Variants in MICU1 observed in about 807,000 individuals in gnomAD.
MICU1 encodes the protein calcium uptake protein 1, mitochondrial.
A neutral mutation model predicts 56.8 loss-of-function variants in MICU1; 45 were observed. That is an observed-to-expected ratio of 0.79 (90% confidence interval 0.62 to 1.02). The LOEUF (loss-of-function observed/expected upper bound fraction) is 1.02, where lower values mean the gene tolerates loss of function less well. Ranked by LOEUF, MICU1 falls within the 50% of genes least tolerant of loss-of-function variation. The pLI is 0.00. For synonymous variants in MICU1, 186 were observed against 195.1 expected (o/e 0.95, Z 0.39); for missense variants, 504 against 587.1 (o/e 0.86, Z 1.46).
At chr10:72,383,515 T>C (rs754543947) in intron 10 of MICU1, among the ~76,000 whole-genome samples, 2 of 152,236 alleles carry the variant, frequency 1.3e-5, no homozygotes, top group East Asian at 1.9e-4. Context: ...TTAGAAATAA[T>C]TCCAGATGGA....
intron 8 of MICU1, among the ~76,000 whole-genome samples, chr10:72,445,513 C>G (rs575660170): frequency 6.6e-6 from 1 of 152,308 alleles, no homozygotes; most frequent in Non-Finnish European, 1.5e-5. Context: ...GGAATCCTTT[C>G]ATTTAGTCTT....
chr10:72,393,703 G>A (rs1178272889), intron 10 of MICU1, among the ~76,000 whole-genome samples: 1 of 152,132 alleles, frequency 6.6e-6, no homozygotes, highest in African/African-American at 2.4e-5. Flanking sequence ...GTAAACTCAA[G>A]GATTTATTGA....
At chr10:72,391,058 A>G (rs553130769) in intron 10 of MICU1, among the ~76,000 whole-genome samples, 6 of 152,382 alleles carry the variant, frequency 3.9e-5, no homozygotes, top group Admixed American at 3.9e-4. Flanking sequence ...ATTTAGTCTC[A>G]CAACCCTATG....
intron 1 of MICU1, among the ~76,000 whole-genome samples, chr10:72,579,765 A>G (rs1840849075): frequency 6.6e-6 from 1 of 152,178 alleles, no homozygotes; most frequent in Admixed American, 6.5e-5. Flanking sequence ...TATGCTTCTG[A>G]TGGCTCAGTG....
chr10:72,598,354 C>T (rs1361704267), intron 1 of MICU1, among the ~76,000 whole-genome samples: 1 of 151,882 alleles, frequency 6.6e-6, no homozygotes, highest in Non-Finnish European at 1.5e-5. Flanking sequence ...CTCCTGGATT[C>T]AAGCAATTCC....
chr10:72,524,041 A>G, intron 5 of MICU1: 1 of 1,198,724 alleles, frequency 8.3e-7, no homozygotes, highest in South Asian at 3.2e-5. Flanking sequence ...AAAGAAAAAA[A>G]GATTAATTTT....
At chr10:72,594,565 G>C (rs1005760959) in intron 1 of MICU1, among the ~76,000 whole-genome samples, 1 of 152,088 alleles carries the variant, frequency 6.6e-6, no homozygotes, top group East Asian at 1.9e-4. Flanking sequence ...TAGACTTCAT[G>C]AAAATTTAAA....
chr10:72,389,030 C>G (rs144810700), intron 10 of MICU1, among the ~76,000 whole-genome samples: 152 of 152,306 alleles, frequency 1.0e-3, no homozygotes, highest in Non-Finnish European at 1.7e-3. Context: ...AAGCACTAAG[C>G]ATTGTGCCTG....
intron 8 of MICU1, among the ~76,000 whole-genome samples, chr10:72,471,396 T>C (rs945023718): frequency 1.3e-5 from 2 of 152,164 alleles, no homozygotes. Flanking sequence ...CTACGCAGTA[T>C]GTTAGTGGGC....
At chr10:72,505,355 T>A (rs1480892287) in intron 6 of MICU1, among the ~76,000 whole-genome samples, 4 of 152,086 alleles carry the variant, frequency 2.6e-5, no homozygotes, top group African/African-American at 9.7e-5. Flanking sequence ...CCTCATACAC[T>A]GTTGGTGGGA....
At chr10:72,602,365 C>A (rs1004207002) in intron 1 of MICU1, among the ~76,000 whole-genome samples, 1 of 151,598 alleles carries the variant, frequency 6.6e-6, no homozygotes, top group Admixed American at 6.6e-5. Context: ...GCAGAAGAAT[C>A]GCTTGAACCC....
At chr10:72,470,434 GT>G (rs1174513962) in intron 8 of MICU1, among the ~76,000 whole-genome samples, 3 of 152,170 alleles carry the variant, frequency 2.0e-5, no homozygotes, top group African/African-American at 7.2e-5. Flanking sequence ...TTGGCTCATG[GT>G]TTTGGAGGCT....
intron 4 of MICU1, among the ~76,000 whole-genome samples, chr10:72,543,361 G>A (rs550994823): frequency 6.6e-6 from 1 of 152,232 alleles, no homozygotes; most frequent in East Asian, 1.9e-4. Context: ...AGTGCTCTAA[G>A]GGGCCAGGCA....
chr10:72,479,036 G>A (rs996433999), intron 6 of MICU1, among the ~76,000 whole-genome samples: 1 of 152,176 alleles, frequency 6.6e-6, no homozygotes, highest in Admixed American at 6.6e-5. Context: ...TTTTACTGAG[G>A]AGTTACTATG....
intron 8 of MICU1, among the ~76,000 whole-genome samples, chr10:72,462,039 A>G (rs980950279): frequency 2.6e-4 from 40 of 152,148 alleles, no homozygotes; most frequent in African/African-American, 9.4e-4. Flanking sequence ...TGAGACTTTG[A>G]GCAAGTTATT....
intron 1 of MICU1, among the ~76,000 whole-genome samples, chr10:72,601,435 A>T (rs2132547665): frequency 6.6e-6 from 1 of 151,196 alleles, no homozygotes; most frequent in East Asian, 1.9e-4. Context: ...CTTTAAAAAA[A>T]AAAAAAAAAA....
At chr10:72,496,881 C>A (rs574845867) in intron 6 of MICU1, among the ~76,000 whole-genome samples, 231 of 151,924 alleles carry the variant, frequency 1.5e-3, no homozygotes, top group Non-Finnish European at 1.8e-3. Flanking sequence ...CAGAAAAATT[C>A]TCAGATATTT....
At chr10:72,381,626 G>A (rs1466068931) in intron 10 of MICU1, among the ~76,000 whole-genome samples, 3 of 152,214 alleles carry the variant, frequency 2.0e-5, no homozygotes, top group African/African-American at 4.8e-5. Flanking sequence ...GACCCCCTGT[G>A]TACTCAGGCT....
chr10:72,410,048 T>C (rs74969869), intron 9 of MICU1, among the ~76,000 whole-genome samples: 4,596 of 152,328 alleles, frequency 0.03, 231 homozygotes, highest in African/African-American at 0.11. Flanking sequence ...CATTTTTATA[T>C]GTAAATAGCG....
Sources: allele counts gnomAD v4.1 joint callset (sites outside exome capture counted in the v4.1 genomes callset), GRCh38; gene constraint gnomAD v4.1.1; transcripts MANE v1.5; gene names NCBI Gene and HGNC (gene_info 2026-07-23, HGNC 2026-07-21).